SLC6A17: variants seen among roughly 807,000 people sequenced by gnomAD.
SLC6A17 encodes solute carrier family 6 member 17, also known as sodium-dependent neutral amino acid transporter SLC6A17.
Under a neutral mutation model 64.5 loss-of-function variants are expected in SLC6A17, and 21 were observed. The observed-to-expected ratio is 0.33, with a 90% CI of 0.23 to 0.47. The LOEUF (loss-of-function observed/expected upper bound fraction) is 0.47, where lower values mean the gene tolerates loss of function less well. SLC6A17 is among the 20% of genes least tolerant of loss of function. The pLI, the probability that SLC6A17 is intolerant of heterozygous loss-of-function variation, is 1.00. For missense variants in SLC6A17, 682 were observed against 963.2 expected, an observed-to-expected ratio of 0.71 and a Z score of 3.86; for synonymous variants, 372 against 399.5, an observed-to-expected ratio of 0.93 and a Z score of 0.82.
intron 5 of SLC6A17, 121 bp downstream of exon 5, chr1:110,175,081 C>A: frequency 8.0e-7 from 1 of 1,243,722 alleles, no homozygotes; most frequent in Non-Finnish European, 1.1e-6. Context: ...ACACAGGCCC[C>A]CAGAGGAGGG....
chr1:110,155,414 A>G (rs1454960208), intron 1 of SLC6A17, among the ~76,000 whole-genome samples: 1 of 152,244 alleles, frequency 6.6e-6, no homozygotes, highest in African/African-American at 2.4e-5. Flanking sequence ...GAATTACTGT[A>G]TACACTTACT....
Position 110,198,947 on chromosome 1 carries a change from G to C in SLC6A17, c.*503G>C, listed in dbSNP as rs1657046968. 6.5e-6 allele frequency: 1 copy of C among 154,036 alleles called. No homozygotes were observed. The highest frequency in any genetic ancestry group is 1.9e-4 in the East Asian group (1 of 5,198). The allele number at this position is 154,036 out of a possible 1,614,324, so 9.5% of individuals were successfully genotyped here. A position where few individuals can be genotyped will look rare whatever the true frequency, so the allele number is the denominator to read the frequency against. ...CCAGACGGGGTTGCTCCTGGTCCAA[G>C]AGGCTACCTGCTCCAAGGCGGAGGG... is the stretch of plus-strand genomic sequence containing the variant. On this transcript the variant is annotated 3_prime_UTR_variant, in exon 12 of 12. Transcript: ENST00000331565.
rs1656866212 is a variant in SLC6A17 at position 110,192,748 on chromosome 1, G to C, written c.1299+50G>C. The C allele has an allele frequency of 1.9e-6, 3 of 1,558,830 alleles. No homozygotes were observed. In the South Asian group the frequency reaches 3.6e-5, roughly 19 times the overall value. On this transcript the variant is annotated intron_variant, in intron 8 of 11. Transcript: ENST00000331565. The surrounding 1 kb of genome is among the most constrained non-coding windows in gnomAD (Gnocchi z 4.3). Reference sequence around the variant, plus strand: ...AGGACAGGCAGGAACCCAGAGAGCAGCTGTGGCCGGCGGGAGCTTGGGCTC... The same window carrying C: ...AGGACAGGCAGGAACCCAGAGAGCACCTGTGGCCGGCGGGAGCTTGGGCTC...
chr1:110,181,076 C>T (rs1656511154), intron 6 of SLC6A17, among the ~76,000 whole-genome samples: 1 of 152,170 alleles, frequency 6.6e-6, no homozygotes, highest in Non-Finnish European at 1.5e-5. Flanking sequence ...GACAGTAACT[C>T]GTGTTGACGG....
In SLC6A17 at chr1:110,170,471, A is replaced by G. The variant is rs149718172; in HGVS notation, c.287-1589A>G. 9.3e-3 allele frequency among the ~76,000 whole-genome samples: 1,421 copies of G among 152,272 alleles called. 26 individuals carry two copies. The highest frequency in any genetic ancestry group is 0.032 in the African/African-American group (1,311 of 41,550). ...TGCCCTCCAGCCTGGGCAACAGAGC[A>G]AGACTCCCTCTCAAAATAAAAACAA... is the stretch of plus-strand genomic sequence containing the variant. On this transcript the variant is annotated intron_variant, in intron 2 of 11. Coordinates refer to ENST00000331565, the MANE Select transcript of SLC6A17 (RefSeq NM_001010898.4).
Position 110,188,059 on chromosome 1 carries a change from C to A in SLC6A17, c.865-3913C>A, listed in dbSNP as rs1329371320. On this transcript the variant is annotated intron_variant, in intron 6 of 11. Coordinates refer to ENST00000331565, the MANE Select transcript of SLC6A17 (RefSeq NM_001010898.4). The stretch of plus-strand genomic sequence containing the variant: ...GCACAGATGTGAGGCTATTTATAGT[C>A]TTTATTGATTCACTTGGTGTGAATA... Among the ~76,000 whole-genome samples, 4 of 152,214 alleles carry A rather than the reference C, an allele frequency of 2.6e-5. No homozygotes were observed. The East Asian group carries it at 7.7e-4, about 29-fold the overall frequency.
At position 110,179,718 on chromosome 1, in the gene SLC6A17, T is replaced by C. The variant is rs542426228; in HGVS notation, c.864+2979T>C. On this transcript the variant is annotated intron_variant, in intron 6 of 11. Coordinates refer to ENST00000331565, the MANE Select transcript of SLC6A17 (RefSeq NM_001010898.4). Reference sequence around the variant, plus strand: ...ACAGGCATGCGCCACCACACCTGAGTAATTTTGCATTTTTAGTAGAGACGG... The same window carrying C: ...ACAGGCATGCGCCACCACACCTGAGCAATTTTGCATTTTTAGTAGAGACGG... Among the ~76,000 whole-genome samples the C allele has an allele frequency of 1.2e-4, 18 of 152,006 alleles. No homozygotes were observed. In the South Asian group the frequency reaches 3.3e-3, roughly 28 times the overall value.
chr1:110,183,886 G>T (rs1244811084), intron 6 of SLC6A17, among the ~76,000 whole-genome samples: 3 of 152,154 alleles, frequency 2.0e-5, no homozygotes, highest in African/African-American at 7.2e-5. Context: ...GGCTAAGGAG[G>T]AGTGAGTGTG....
intron 1 of SLC6A17, among the ~76,000 whole-genome samples, chr1:110,160,165 A>C (rs936402754): frequency 1.3e-5 from 2 of 152,260 alleles, no homozygotes; most frequent in Non-Finnish European, 2.9e-5. Context: ...TTTACAGATG[A>C]ATAAGAAACA....
At chr1:110,156,648 G>T (rs548805386) in intron 1 of SLC6A17, among the ~76,000 whole-genome samples, 6 of 152,302 alleles carry the variant, frequency 3.9e-5, no homozygotes, top group African/African-American at 1.2e-4. Context: ...ATCGTAAGTT[G>T]TTGGGAGGAT....
chr1:110,186,135 A>T (rs749091318), intron 6 of SLC6A17, among the ~76,000 whole-genome samples: 4 of 152,204 alleles, frequency 2.6e-5, no homozygotes, highest in Non-Finnish European at 5.9e-5. Context: ...AGCAATCTTA[A>T]CAAACAAATT....
At chr1:110,167,313 C>G (rs1656094279) in intron 2 of SLC6A17, 98 bp downstream of exon 2, 4 of 1,440,864 alleles carry the variant, frequency 2.8e-6, no homozygotes, top group Non-Finnish European at 3.7e-6. Context: ...AACTGGAGCC[C>G]TTGTAGGTTG....
Position 110,150,553 on chromosome 1 carries a change from A to C in SLC6A17, c.-418A>C, listed in dbSNP as rs931967158. 6.6e-6 allele frequency: 1 copy of C among 152,274 alleles called. No individual in the cohort carries two copies. Among genetic ancestry groups the C allele is most frequent in the African/African-American group, 2.4e-5 (1 of 41,458 alleles). The allele number at this position is 152,274 out of a possible 1,614,324, so 9.4% of individuals were successfully genotyped here. ...TCCGCCCAGCTCCGTTCTGCTCCGCAGAGCCGGCGCTGCCAGGGCGCAGGG... is the reference window on the plus strand; with the variant it reads ...TCCGCCCAGCTCCGTTCTGCTCCGCCGAGCCGGCGCTGCCAGGGCGCAGGG... On this transcript the variant is annotated 5_prime_UTR_variant, in exon 1 of 12. Transcript: ENST00000331565.
chr1:110,191,070 T>G (rs1037625602), intron 6 of SLC6A17, among the ~76,000 whole-genome samples: 10 of 152,218 alleles, frequency 6.6e-5, no homozygotes, highest in Non-Finnish European at 4.4e-5. Flanking sequence ...CATTACTTGT[T>G]GCTATACATT....
Position 110,198,487 on chromosome 1 carries a change from T to G in SLC6A17, c.*43T>G. ...CCCGCCTCTCCCCCCACGCTCAACC[T>G]GCCCACTTGTCCAGGCCTGGCCTCT... is the stretch of plus-strand genomic sequence containing the variant. On this transcript the variant is annotated 3_prime_UTR_variant, in exon 12 of 12. Transcript: ENST00000331565. 2 of 1,569,210 alleles carry G rather than the reference T, an allele frequency of 1.3e-6. No individual in the cohort carries two copies. The highest frequency in any genetic ancestry group is 1.7e-6 in the Non-Finnish European group (2 of 1,157,012).
At chr1:110,181,571 T>C (rs1254896466) in intron 6 of SLC6A17, among the ~76,000 whole-genome samples, 1 of 152,096 alleles carries the variant, frequency 6.6e-6, no homozygotes, top group Non-Finnish European at 1.5e-5. Context: ...TCAGATAATA[T>C]AAGATAAAGA....
chr1:110,167,375 A>G (rs528322520), intron 2 of SLC6A17, among the ~76,000 whole-genome samples, 160 bp downstream of exon 2: 17 of 152,302 alleles, frequency 1.1e-4, no homozygotes, highest in Admixed American at 9.1e-4. Context: ...AATGATGGTT[A>G]GTAGCTACCA....
chr1:110,185,451 C>T (rs991795717), intron 6 of SLC6A17, among the ~76,000 whole-genome samples: 13 of 152,228 alleles, frequency 8.5e-5, no homozygotes, highest in South Asian at 4.1e-4. Context: ...CACGCATGCG[C>T]TCAGGCTAGG....
At chr1:110,180,400 T>C (rs1305509656) in intron 6 of SLC6A17, among the ~76,000 whole-genome samples, 1 of 152,216 alleles carries the variant, frequency 6.6e-6, no homozygotes, top group Non-Finnish European at 1.5e-5. Context: ...CCCAGCACAC[T>C]ACTGCTAATC....
Sources: allele counts gnomAD v4.1 joint callset (sites outside exome capture counted in the v4.1 genomes callset), GRCh38; gene constraint gnomAD v4.1.1; non-coding constraint Gnocchi (gnomAD v3.1); transcripts MANE v1.5; gene names NCBI Gene and HGNC (gene_info 2026-07-23, HGNC 2026-07-21).